MYH9: variants seen among roughly 807,000 people sequenced by gnomAD.
MYH9 encodes myosin-9.
In MYH9, 29 loss-of-function variants were observed where a neutral mutation model predicts 241.9. The observed-to-expected ratio is 0.12, with a 90% CI of 0.09 to 0.16. The LOEUF (loss-of-function observed/expected upper bound fraction) is 0.16. MYH9 is among the 10% of genes least tolerant of loss of function. The pLI, the probability that MYH9 is intolerant of heterozygous loss-of-function variation, is 1.00. For synonymous variants in MYH9, 1,047 were observed against 1,062.6 expected (o/e 0.99, Z 0.29); for missense variants, 1,803 against 2,595.5 (o/e 0.69, Z 6.63).
chr22:36,371,435 T>G (rs1425171653), intron 1 of MYH9, among the ~76,000 whole-genome samples: 1 of 152,222 alleles, frequency 6.6e-6, no homozygotes, highest in Non-Finnish European at 1.5e-5. Flanking sequence ...TGTCCACACC[T>G]TGATCTTGCA....
chr22:36,383,986 G>A (rs961706172), intron 1 of MYH9, among the ~76,000 whole-genome samples: 2 of 150,736 alleles, frequency 1.3e-5, no homozygotes, highest in Non-Finnish European at 3.0e-5. Context: ...GTGGGCGAGG[G>A]GGTGCTGGGT....
At chr22:36,327,952 C>T (rs1057135037) in intron 3 of MYH9, among the ~76,000 whole-genome samples, 2 of 152,258 alleles carry the variant, frequency 1.3e-5, no homozygotes, top group South Asian at 4.1e-4. Flanking sequence ...GGAGGGGTGA[C>T]GAGGCCTGGC....
chr22:36,291,448 G>A (rs2016701231), intron 31 of MYH9, among the ~76,000 whole-genome samples: 1 of 151,580 alleles, frequency 6.6e-6, no homozygotes, highest in African/African-American at 2.4e-5. Context: ...GGCGGTGCAA[G>A]ATGTGCTTTG....
intron 25 of MYH9, among the ~76,000 whole-genome samples, chr22:36,296,516 G>A (rs1046181880): frequency 4.7e-5 from 7 of 149,100 alleles, no homozygotes; most frequent in Middle Eastern, 3.5e-3. Flanking sequence ...GATCACAGAC[G>A]TGAGCCAACG....
chr22:36,294,028 G>A lies in MYH9; in HGVS notation c.3837+64C>T, dbSNP rs747106192. On this transcript the variant is annotated intron_variant, in intron 28 of 40. Coordinates refer to ENST00000216181, the MANE Select transcript of MYH9 (RefSeq NM_002473.6). ...AGACAGAGAGCACACATGCACCTGGGGACCTGGGCCACAACTGCTGCTAGG... is the reference window on the plus strand; with the variant it reads ...AGACAGAGAGCACACATGCACCTGGAGACCTGGGCCACAACTGCTGCTAGG... The A allele has an allele frequency of 2.5e-6, 4 of 1,572,084 alleles. No homozygotes were observed. The African/African-American group carries it at 4.0e-5, about 16-fold the overall frequency.
At chr22:36,321,584 C>A (rs1228980828) in intron 7 of MYH9, among the ~76,000 whole-genome samples, 174 bp downstream of exon 7, 1 of 152,198 alleles carries the variant, frequency 6.6e-6, no homozygotes, top group Non-Finnish European at 1.5e-5. Flanking sequence ...AAGCCCTAAG[C>A]TCTGTGTTGG....
rs773039198 is a variant in MYH9 at position 36,285,349 on chromosome 22, G to A, written c.5275-20C>T. On this transcript the variant is annotated intron_variant, in intron 37 of 40. Transcript: ENST00000216181. The surrounding 1 kb of genome is among the most constrained non-coding windows in gnomAD (Gnocchi z 7.0). ...GTCGATCTGCAGAAGAAGGGCCAGT[G>A]ACCTTGGGGAGGGCTGGGGCCCTGG... The A allele has an allele frequency of 4.4e-6, 7 of 1,604,142 alleles. No individual in the cohort carries two copies. Among genetic ancestry groups the A allele is most frequent in the Non-Finnish European group, 5.9e-6 (7 of 1,179,520 alleles).
intron 2 of MYH9, among the ~76,000 whole-genome samples, chr22:36,344,734 G>A (rs1001138519): frequency 1.3e-5 from 2 of 152,212 alleles, no homozygotes; most frequent in Admixed American, 6.5e-5. Flanking sequence ...ACCTCTGCGT[G>A]TGGCTTGCAA....
intron 1 of MYH9, among the ~76,000 whole-genome samples, chr22:36,381,888 C>T (rs578079704): frequency 2.2e-4 from 33 of 152,318 alleles, no homozygotes; most frequent in Admixed American, 9.1e-4. Context: ...TCAGACATTT[C>T]CTTCAGCACA....
intron 10 of MYH9, 110 bp downstream of exon 10, chr22:36,319,430 C>A: frequency 9.8e-7 from 1 of 1,016,538 alleles, no homozygotes; most frequent in Non-Finnish European, 1.5e-6. Context: ...CCGACAGATA[C>A]TAACATTAAA....
rs188691357 is a variant in MYH9, at chr22:36,370,085, C to T, written c.-20+17722G>A. ...CAGATAAAACATATAAACAATAAAG[C>T]TATACTTTATTAGCATCAAAACCCT... is the stretch of plus-strand genomic sequence containing the variant. On this transcript the variant is annotated intron_variant, in intron 1 of 40. Coordinates refer to ENST00000216181, the MANE Select transcript of MYH9 (RefSeq NM_002473.6). Among the ~76,000 whole-genome samples, 7 of 152,290 alleles carry T rather than the reference C, an allele frequency of 4.6e-5. No homozygotes were observed. The East Asian group carries it at 1.3e-3, about 29-fold the overall frequency.
intron 1 of MYH9, among the ~76,000 whole-genome samples, chr22:36,386,327 C>G (rs2018350386): frequency 6.6e-6 from 1 of 152,082 alleles, no homozygotes; most frequent in Admixed American, 6.5e-5. Flanking sequence ...CTCAATTACA[C>G]ATCTGTGTCC....
In MYH9 at chr22:36,282,291, C is replaced by A; in HGVS notation, c.*377G>T. 2.5e-6 allele frequency: 1 copy of A among 402,618 alleles called. No individual in the cohort carries two copies. The highest frequency in any genetic ancestry group is 4.6e-6 in the Non-Finnish European group (1 of 217,760). The allele number at this position is 402,618 out of a possible 1,614,324, so 24.9% of individuals were successfully genotyped here. A position where few individuals can be genotyped will look rare whatever the true frequency, so the allele number is the denominator to read the frequency against. ...TGCGGGGGCTCCGACTACCAAAAGG[C>A]CTCAGTCTGAAGAAAAATAGATTCA... is the stretch of plus-strand genomic sequence containing the variant. On this transcript the variant is annotated 3_prime_UTR_variant, in exon 41 of 41. Transcript: ENST00000216181.
At chr22:36,314,368 A>T (rs1459450474) in intron 12 of MYH9, 50 bp from the exon 13 acceptor site, 1 of 1,606,428 alleles carries the variant, frequency 6.2e-7, no homozygotes, top group Non-Finnish European at 8.5e-7. Flanking sequence ...TGCACTAAAG[A>T]GGCCCAGACA....
Position 36,285,899 on chromosome 22 carries a change from G to A in MYH9, c.5116C>T (p.Leu1706=). The change falls in exon 36 of 41, where the codon CTG becomes TTG. Residue 1706 remains leucine, a synonymous_variant. Transcript: ENST00000216181. This position sits in a 1 kb window ranked among gnomAD's most constrained non-coding sequence, Gnocchi z 7.0. ...CTGCTGTTGGCGATCTCGTCAGCCAGCTCATCCCGCTCCTGCTGGGCCTGG... is the reference window on the plus strand; with the variant it reads ...CTGCTGTTGGCGATCTCGTCAGCCAACTCATCCCGCTCCTGCTGGGCCTGG... ...KRQAQQERDE[L]ADEIANSSGK... is the part of the protein sequence containing the mutation. 6.2e-7 allele frequency: 1 copy of A among 1,613,184 alleles called. No individual in the cohort carries two copies. The highest frequency in any genetic ancestry group is 8.5e-7 in the Non-Finnish European group (1 of 1,179,984).
chr22:36,381,641 G>T (rs1310694855), intron 1 of MYH9, among the ~76,000 whole-genome samples: 1 of 152,080 alleles, frequency 6.6e-6, no homozygotes, highest in Non-Finnish European at 1.5e-5. Flanking sequence ...GCACAGAGCA[G>T]AGTTTACATA....
At chr22:36,362,422 C>T (rs2017948782) in intron 1 of MYH9, among the ~76,000 whole-genome samples, 1 of 152,176 alleles carries the variant, frequency 6.6e-6, no homozygotes, top group African/African-American at 2.4e-5. Context: ...ACAGACTACA[C>T]AATAAAGTGT....
intron 1 of MYH9, among the ~76,000 whole-genome samples, chr22:36,384,633 T>A (rs1294363122): frequency 1.4e-4 from 13 of 89,682 alleles, no homozygotes; most frequent in African/African-American, 2.0e-4. Flanking sequence ...TATATATATA[T>A]ATATATATAT....
chr22:36,322,619 A>G (rs2146365510), intron 5 of MYH9, 98 bp from the exon 6 acceptor site: 1 of 1,192,134 alleles, frequency 8.4e-7, no homozygotes. Context: ...CCGTGTCAGC[A>G]TGTCCAACGT....
Sources: allele counts gnomAD v4.1 joint callset (sites outside exome capture counted in the v4.1 genomes callset), GRCh38; gene constraint gnomAD v4.1.1; non-coding constraint Gnocchi (gnomAD v3.1); transcripts MANE v1.5; gene names NCBI Gene and HGNC (gene_info 2026-07-23, HGNC 2026-07-21).